Variants in SCNN1D observed in about 807,000 individuals in gnomAD.
The protein encoded by SCNN1D is sodium channel epithelial 1 subunit delta.
SCNN1D carries 104 observed loss-of-function variants against 87.8 expected under a neutral mutation model. The observed-to-expected ratio is 1.18, with a 90% CI of 1.01 to 1.39. The LOEUF (loss-of-function observed/expected upper bound fraction) is 1.39, where lower values mean the gene tolerates loss of function less well. Among genes scored for constraint, SCNN1D ranks in the 40% most tolerant of loss-of-function variants. SCNN1D has a pLI of 0.00. For missense variants in SCNN1D, 1,324 were observed against 1,093.9 expected (o/e 1.21, Z -2.97); for synonymous variants, 628 against 481.2 (o/e 1.31, Z -3.99).
chr1:1,288,085 GC>G (rs58081058), intron 12 of SCNN1D, 48 bp downstream of exon 12: 103,910 of 757,236 alleles, frequency 0.14, 7,358 homozygotes, highest in East Asian at 0.36. Flanking sequence ...GGCTGGGCTG[GC>G]CAGGGGGTGT....
Position 1,287,091 on chromosome 1 carries a change from C to T in SCNN1D, c.1120-18C>T. ...CTGGGCTGTAGCCACAGAGCTGACC[C>T]TCCCTCCCCTCTCCCAGTGCAACAG... On this transcript the variant is annotated intron_variant, in intron 8 of 17. Coordinates refer to ENST00000379116, the MANE Select transcript of SCNN1D (RefSeq NM_001130413.4). The T allele has an allele frequency of 6.3e-7, 1 of 1,584,046 alleles. No homozygotes were observed. Among genetic ancestry groups the T allele is most frequent in the South Asian group, 1.1e-5 (1 of 88,134 alleles).
At position 1,283,879 on chromosome 1, in the gene SCNN1D, G is replaced by A. The variant is rs142331453; in HGVS notation, c.352-99G>A. ...GAGGGATGGGCATCTCTGTCCCCCA[G>A]GAATTCCCCTTTTGGGTCCGGGGCA... On this transcript the variant is annotated intron_variant, in intron 4 of 17. Transcript: ENST00000379116. 1.1e-3 allele frequency: 649 copies of A among 571,638 alleles called. 6 individuals are homozygous for A. In the African/African-American group the frequency reaches 0.012, roughly 11 times the overall value. The allele number at this position is 571,638 out of a possible 1,614,324, so 35.4% of individuals were successfully genotyped here.
chr1:1,291,043 T>C (rs12743218), intron 16 of SCNN1D, 22 bp from the exon 17 acceptor site: 49,951 of 1,595,414 alleles, frequency 0.031, 932 homozygotes, highest in Non-Finnish European at 0.037. Context: ...GCCAGCGCCC[T>C]CATGCCTCTA....
chr1:1,291,320 C>A lies in SCNN1D; in HGVS notation c.2119C>A (p.Leu707Ile). ...GTGGTTTGGGGCCTCCGTCCTCTCC[C>A]TCCTGGAGCTCCTGGAGCTGCTGCT... ...SLWFGASVLS[L>I]LELLELLLDA... Residue 707 changes from leucine to isoleucine, a missense_variant, in exon 18 of 18, where the codon CTC becomes ATC. Leu to Ile is a conservative substitution (Grantham distance 5). Coordinates refer to ENST00000379116, the MANE Select transcript of SCNN1D (RefSeq NM_001130413.4). 1 of 1,596,502 alleles carries A rather than the reference C, an allele frequency of 6.3e-7. No homozygotes were observed. Among genetic ancestry groups the A allele is most frequent in the South Asian group, 1.1e-5 (1 of 88,592 alleles).
chr1:1,287,354 G>A (rs1211598916), intron 9 of SCNN1D, 55 bp downstream of exon 9: 4 of 1,504,464 alleles, frequency 2.7e-6, no homozygotes, highest in Non-Finnish European at 3.6e-6. Flanking sequence ...GAGCGTGGCC[G>A]CACCCCTGGG....
rs1640623023 is a variant in SCNN1D, at chr1:1,287,506, A to G, written c.1311-2A>G. 1.3e-6 allele frequency: 2 copies of G among 1,519,660 alleles called. No homozygotes were observed. The highest frequency in any genetic ancestry group is 2.8e-5 in the African/African-American group (2 of 72,006). 94.1% of individuals were successfully genotyped at this position (1,519,660 alleles called of 1,614,324 possible). A position where few individuals can be genotyped will look rare whatever the true frequency, so the allele number is the denominator to read the frequency against. Reference sequence around the variant, plus strand: ...AGGTCTGAGCTTGGCTTCTCATTCCAGACAGTTCCGGACCTTCCACCACCC... The same window carrying G: ...AGGTCTGAGCTTGGCTTCTCATTCCGGACAGTTCCGGACCTTCCACCACCC... On this transcript the variant is annotated splice_acceptor_variant, in intron 9 of 17. Coordinates refer to ENST00000379116, the MANE Select transcript of SCNN1D (RefSeq NM_001130413.4). LOFTEE classifies it high-confidence loss of function.
At chr1:1,290,743 C>G in intron 15 of SCNN1D, 49 bp downstream of exon 15, 1 of 1,598,008 alleles carries the variant, frequency 6.3e-7, no homozygotes, top group Non-Finnish European at 8.6e-7. Flanking sequence ...CAGGCAGACC[C>G]CACAGGTCCC....
At position 1,291,663 on chromosome 1, in the gene SCNN1D, C is replaced by G. The variant is rs1190784886; in HGVS notation, c.*53C>G. ...CTTGGCCTGGTCCTTGCAGCTGTGG[C>G]AGCAGCAGGCTCCCCAGCGGCCCAG... On this transcript the variant is annotated 3_prime_UTR_variant, in exon 18 of 18. Coordinates refer to ENST00000379116, the MANE Select transcript of SCNN1D (RefSeq NM_001130413.4). The G allele has an allele frequency of 7.3e-7, 1 of 1,366,652 alleles. No homozygotes were observed. Among genetic ancestry groups the G allele is most frequent in the Non-Finnish European group, 9.8e-7 (1 of 1,017,772 alleles). The allele number at this position is 1,366,652 out of a possible 1,614,324, so 84.7% of individuals were successfully genotyped here.
At position 1,286,932 on chromosome 1, in the gene SCNN1D, GGC is replaced by G. The variant is rs1311620203; in HGVS notation, c.1077_1078del (p.Arg359SerfsTer116). 1 of 1,612,368 alleles carries G rather than the reference GGC, an allele frequency of 6.2e-7. No individual in the cohort carries two copies. Among genetic ancestry groups the G allele is most frequent in the Non-Finnish European group, 8.5e-7 (1 of 1,179,852 alleles). On this transcript the variant is annotated frameshift_variant, in exon 8 of 18. Transcript: ENST00000379116. LOFTEE classifies it high-confidence loss of function. ...CTGGACCGGGAGATCCGTCTGCAGA[GGC>G]TGAGCCACTCGGGCAGCCGGGTCAG...
chr1:1,284,619 G>A (rs1455762602), intron 5 of SCNN1D, among the ~76,000 whole-genome samples: 3 of 151,836 alleles, frequency 2.0e-5, no homozygotes, highest in Non-Finnish European at 4.4e-5. Context: ...TGCCGAGCGT[G>A]TGCTGGACCA....
intron 4 of SCNN1D, among the ~76,000 whole-genome samples, chr1:1,282,844 C>T (rs1640499159): frequency 6.6e-6 from 1 of 151,954 alleles, no homozygotes; most frequent in Non-Finnish European, 1.5e-5. Context: ...GCTCCGCCTC[C>T]TGGGTTCACA....
At position 1,290,678 on chromosome 1, in the gene SCNN1D, C is replaced by A; in HGVS notation, c.1901C>A (p.Pro634His). The A allele has an allele frequency of 6.2e-7, 1 of 1,612,636 alleles. No individual in the cohort carries two copies. Among genetic ancestry groups the A allele is most frequent in the Non-Finnish European group, 8.5e-7 (1 of 1,179,932 alleles). The change falls in exon 15 of 18, where the codon CCT (proline) becomes CAT (histidine). Residue 634 changes from proline (P) to histidine (H), a missense_variant. Transcript: ENST00000379116. ...CTCTCCACTGGGACCTCCAGGTGGC[C>A]TTCCGCCAAGTCAGCTGTGAGTCCC... The part of the protein sequence containing the change: ...FKLSTGTSRW[P>H]SAKSAGWTLA...
Position 1,284,083 on chromosome 1 carries a change from A to T in SCNN1D, c.457A>T (p.Thr153Ser). 1 of 699,668 alleles carries T rather than the reference A, an allele frequency of 1.4e-6. No homozygotes were observed. The allele number at this position is 699,668 out of a possible 1,614,324, so 43.3% of individuals were successfully genotyped here. The change falls in exon 5 of 18, where the codon ACC becomes TCC. Residue 153 changes from threonine (T) to serine (S), a missense_variant. By Grantham distance (58) the Thr-to-Ser change is moderately conservative (BLOSUM62 1). Coordinates refer to ENST00000379116, the MANE Select transcript of SCNN1D (RefSeq NM_001130413.4). The part of the protein sequence containing the change: ...EWKQPHGGAL[T>S]SRSPGPVAPQ... The stretch of plus-strand genomic sequence containing the variant: ...GAAGCAGCCACACGGGGGGGCTCTC[A>T]CCTCCAGGTACCGTGGGGGGGGGTG...
rs1193496729 is a variant in SCNN1D at position 1,290,501 on chromosome 1, A to C, written c.1805A>C (p.Gln602Pro). Residue 602 changes from glutamine to proline, a missense_variant, in exon 14 of 18, where the codon CAG becomes CCG. By Grantham distance (76) the Gln-to-Pro change is moderately conservative. Transcript: ENST00000379116. Reference sequence around the variant, plus strand: ...GGACACTGCTTCTACCGCCTCTACCAGGACCTGGAGACCCACCGGCTCCCC... The same window carrying C: ...GGACACTGCTTCTACCGCCTCTACCCGGACCTGGAGACCCACCGGCTCCCC... ...AWGHCFYRLY[Q>P]DLETHRLPCT... The C allele has an allele frequency of 6.2e-7, 1 of 1,612,504 alleles. No homozygotes were observed. Among genetic ancestry groups the C allele is most frequent in the Non-Finnish European group, 8.5e-7 (1 of 1,179,902 alleles).
rs1041512269 is a variant in SCNN1D at position 1,291,984 on chromosome 1, C to T, written c.*374C>T. The T allele has an allele frequency of 2.7e-5, 5 of 185,342 alleles. No individual in the cohort carries two copies. Among genetic ancestry groups the T allele is most frequent in the Middle Eastern group, 1.3e-3 (2 of 1,556 alleles). 11.5% of individuals were successfully genotyped at this position (185,342 alleles called of 1,614,324 possible). On this transcript the variant is annotated 3_prime_UTR_variant, in exon 18 of 18. Transcript: ENST00000379116. ...GAGGCAGAAGGCAAGGCAGGCCCCA[C>T]GGACACACTTGGGCTGCTCTGAAAT... is the stretch of plus-strand genomic sequence containing the variant.
intron 3 of SCNN1D, chr1:1,281,938 G>A (rs1267783459): frequency 1.1e-5 from 6 of 567,022 alleles, no homozygotes; most frequent in Non-Finnish European, 1.9e-5. Context: ...CACAATCTCT[G>A]GCAAGCACCT....
chr1:1,290,853 G>A lies in SCNN1D; in HGVS notation c.1918-42G>A, dbSNP rs113099499. On this transcript the variant is annotated intron_variant, in intron 15 of 17. Coordinates refer to ENST00000379116, the MANE Select transcript of SCNN1D (RefSeq NM_001130413.4). ...GCCCGTGGTACCCAGGATGGCCGGG[G>A]GCATGGGGGAGCCGTGGCCACAGCA... The A allele has an allele frequency of 6.9e-3, 11,134 of 1,604,630 alleles. 601 individuals carry two copies. The African/African-American group carries it at 0.12, about 17-fold the overall frequency.
intron 1 of SCNN1D, 131 bp from the exon 2 acceptor site, chr1:1,281,095 A>G (rs903910123): frequency 5.6e-6 from 5 of 887,006 alleles, no homozygotes; most frequent in African/African-American, 1.7e-5. Context: ...TGTCTATTGC[A>G]CCAGAACCGT....
rs1557584955 is a variant in SCNN1D, at chr1:1,288,699, TCCCCCGA to T, written c.1662+663_1662+669del. Among the ~76,000 whole-genome samples, 29 of 8,554 alleles carry T rather than the reference TCCCCCGA, an allele frequency of 3.4e-3. 9 individuals are homozygous for T. Among genetic ancestry groups the T allele is most frequent in the African/African-American group, 0.02 (12 of 586 alleles). 5.6% of individuals were successfully genotyped at this position (8,554 alleles called of 152,430 possible). ...TGCTCCGTCCCGTGTCCCTGCTCCG[TCCCCCGA>T]GTCTCTGCTCCGTCCCGTGTCTCTG... On this transcript the variant is annotated intron_variant, in intron 12 of 17. Coordinates refer to ENST00000379116, the MANE Select transcript of SCNN1D (RefSeq NM_001130413.4).
Sources: gnomAD v4.1 joint callset for allele counts (sites outside exome capture counted in the v4.1 genomes callset) on GRCh38, gnomAD v4.1.1 for gene constraint, MANE v1.5 for transcripts, NCBI Gene and HGNC (gene_info 2026-07-23, HGNC 2026-07-21) for gene names.